Variants in ADGRG6 observed in about 807,000 individuals in gnomAD.
ADGRG6 encodes adhesion G protein-coupled receptor G6, also known as G-protein coupled receptor 126.
Under a neutral mutation model 142.4 loss-of-function variants are expected in ADGRG6, and 84 were observed. The ratio of observed to expected loss-of-function variants is 0.59; its 90% CI spans 0.49 to 0.71. The LOEUF is 0.71. Ranked by LOEUF, ADGRG6 falls within the 30% of genes least tolerant of loss-of-function variation. The pLI, the probability that ADGRG6 is intolerant of heterozygous loss-of-function variation, is 0.00. For synonymous variants in ADGRG6, 521 were observed against 520.5 expected, an observed-to-expected ratio of 1.00 and a Z score of -0.01; for missense variants, 1,367 against 1,466.6, an observed-to-expected ratio of 0.93 and a Z score of 1.11.
chr6:142,345,227 A>G (rs1779838714), intron 2 of ADGRG6, among the ~76,000 whole-genome samples: 1 of 152,012 alleles, frequency 6.6e-6, no homozygotes, highest in Non-Finnish European at 1.5e-5. Flanking sequence ...TTCGATACAA[A>G]CATGTAATTG....
chr6:142,420,530 G>T (rs1312329262), intron 22 of ADGRG6, among the ~76,000 whole-genome samples: 1 of 152,136 alleles, frequency 6.6e-6, no homozygotes, highest in Non-Finnish European at 1.5e-5. Context: ...ATGGCCAGAA[G>T]AATTTTTAGA....
At position 142,303,796 on chromosome 6, in the gene ADGRG6, A is replaced by G. The variant is rs565201872; in HGVS notation, c.2+1465A>G. ...AAGCATATTACACATGAAAGTATAA[A>G]TACCTGTTTTTAAAATAAAAGATGT... On this transcript the variant is annotated intron_variant, in intron 1 of 24. Transcript: ENST00000367609. Among the ~76,000 whole-genome samples, 20 of 152,322 alleles carry G rather than the reference A, an allele frequency of 1.3e-4. No individual in the cohort carries two copies. The South Asian group carries it at 4.1e-3, about 32-fold the overall frequency.
At chr6:142,345,278 G>A (rs964262116) in intron 2 of ADGRG6, among the ~76,000 whole-genome samples, 1 of 152,002 alleles carries the variant, frequency 6.6e-6, no homozygotes, top group Non-Finnish European at 1.5e-5. Flanking sequence ...AAATAGCCTA[G>A]GGGAAAAGTA....
At chr6:142,368,030 A>T (rs1398567735) in intron 3 of ADGRG6, 120 bp downstream of exon 3, 1 of 625,408 alleles carries the variant, frequency 1.6e-6, no homozygotes, top group Non-Finnish European at 2.8e-6. Flanking sequence ...TAGGATTGGG[A>T]TATAAGGGCA....
intron 2 of ADGRG6, among the ~76,000 whole-genome samples, chr6:142,317,278 G>A (rs910186123): frequency 2.0e-5 from 3 of 151,950 alleles, no homozygotes; most frequent in Non-Finnish European, 4.4e-5. Flanking sequence ...AGTTCTCTTT[G>A]AATTTTAAGC....
chr6:142,352,064 T>A (rs1002801200), intron 2 of ADGRG6, among the ~76,000 whole-genome samples: 1 of 152,156 alleles, frequency 6.6e-6, no homozygotes, highest in African/African-American at 2.4e-5. Flanking sequence ...GAGATTTTTT[T>A]AGCGAACTTA....
chr6:142,385,107 A>T (rs1161991203), intron 6 of ADGRG6, among the ~76,000 whole-genome samples: 1 of 152,134 alleles, frequency 6.6e-6, no homozygotes, highest in African/African-American at 2.4e-5. Flanking sequence ...TCCCTCCAGG[A>T]TTGACACATC....
chr6:142,370,688 C>T lies in ADGRG6; in HGVS notation c.964C>T (p.Leu322Phe). 1 of 1,613,720 alleles carries T rather than the reference C, an allele frequency of 6.2e-7. No individual in the cohort carries two copies. The highest frequency in any genetic ancestry group is 8.5e-7 in the Non-Finnish European group (1 of 1,179,678). Reference sequence around the variant, plus strand: ...GAATTTTACCATGAATGCCAAAATCCTCTCCAACCTCAGCTGTAATGTGAA... The same window carrying T: ...GAATTTTACCATGAATGCCAAAATCTTCTCCAACCTCAGCTGTAATGTGAA... ...LWNFTMNAKI[L>F]SNLSCNVKGN... The change falls in exon 4 of 25, where the codon CTC (leucine) becomes TTC (phenylalanine). Residue 322 changes from leucine to phenylalanine, a missense_variant. By Grantham distance (22) the Leu-to-Phe change is conservative (BLOSUM62 0). Coordinates refer to ENST00000367609, the MANE Select transcript of ADGRG6 (RefSeq NM_198569.3).
At chr6:142,405,594 T>C in intron 14 of ADGRG6, 94 bp from the exon 15 acceptor site, 3 of 996,564 alleles carry the variant, frequency 3.0e-6, no homozygotes, top group Non-Finnish European at 4.7e-6. Context: ...AATTTGAACT[T>C]GCAATTGTTC....
At chr6:142,390,368 T>C (rs1183161951) in intron 7 of ADGRG6, 25 bp downstream of exon 7, 9 of 1,398,840 alleles carry the variant, frequency 6.4e-6, no homozygotes, top group African/African-American at 1.4e-5. Flanking sequence ...AACTTTTCTT[T>C]TTTAAAAAAA....
intron 22 of ADGRG6, among the ~76,000 whole-genome samples, chr6:142,428,081 A>G (rs1162196682): frequency 3.3e-5 from 5 of 152,150 alleles, no homozygotes; most frequent in Admixed American, 1.3e-4. Flanking sequence ...TGGCTCAAGC[A>G]TGTTAAAAAC....
At chr6:142,367,492 A>G in intron 2 of ADGRG6, 77 bp from the exon 3 acceptor site, 1 of 894,772 alleles carries the variant, frequency 1.1e-6, no homozygotes, top group South Asian at 1.7e-5. Context: ...GATTGTCGCC[A>G]GTGTGTGGTA....
At position 142,414,429 on chromosome 6, in the gene ADGRG6, C is replaced by T. The variant is rs569204669; in HGVS notation, c.2542-540C>T. ...AAAATAAAGACAGTCCCACCTCATACATACCAAGCATTGAAATAACCAGGG... is the reference window on the plus strand; with the variant it reads ...AAAATAAAGACAGTCCCACCTCATATATACCAAGCATTGAAATAACCAGGG... On this transcript the variant is annotated intron_variant, in intron 18 of 24. Coordinates refer to ENST00000367609, the MANE Select transcript of ADGRG6 (RefSeq NM_198569.3). 2.6e-5 allele frequency among the ~76,000 whole-genome samples: 4 copies of T among 152,284 alleles called. No individual in the cohort carries two copies. The East Asian group carries it at 5.8e-4, about 22-fold the overall frequency.
Position 142,310,034 on chromosome 6 carries a change from A to G in ADGRG6, c.103+390A>G, listed in dbSNP as rs561447554. Among the ~76,000 whole-genome samples the G allele has an allele frequency of 3.3e-3, 497 of 152,014 alleles. 2 individuals are homozygous for G. The highest frequency in any genetic ancestry group is 0.012 in the African/African-American group (480 of 41,550). Reference sequence around the variant, plus strand: ...TCATGTAGTTATTTATGGAAAGTACAGACTTTGCTAGTTTCATTCATCCTC... The same window carrying G: ...TCATGTAGTTATTTATGGAAAGTACGGACTTTGCTAGTTTCATTCATCCTC... On this transcript the variant is annotated intron_variant, in intron 2 of 24. Coordinates refer to ENST00000367609, the MANE Select transcript of ADGRG6 (RefSeq NM_198569.3).
intron 2 of ADGRG6, among the ~76,000 whole-genome samples, chr6:142,333,452 G>A (rs1779162881): frequency 6.6e-6 from 1 of 152,178 alleles, no homozygotes; most frequent in Non-Finnish European, 1.5e-5. Flanking sequence ...TTAATGTGTG[G>A]TGTAGTGAAG....
chr6:142,322,426 G>A (rs1320223970), intron 2 of ADGRG6, among the ~76,000 whole-genome samples: 5 of 151,936 alleles, frequency 3.3e-5, no homozygotes, highest in Middle Eastern at 3.4e-3. Context: ...TATTTGGGTC[G>A]GAGGAAGAGA....
chr6:142,354,164 G>T (rs569339815), intron 2 of ADGRG6, among the ~76,000 whole-genome samples: 34 of 152,202 alleles, frequency 2.2e-4, no homozygotes, highest in African/African-American at 7.5e-4. Context: ...TTTAGATTTT[G>T]CTCTTCTCAT....
intron 2 of ADGRG6, among the ~76,000 whole-genome samples, chr6:142,312,215 G>A (rs1393725033): frequency 1.3e-5 from 2 of 152,034 alleles, no homozygotes; most frequent in Non-Finnish European, 2.9e-5. Flanking sequence ...TGTTACGATT[G>A]ACACTTAATT....
In ADGRG6 at chr6:142,383,766, T is replaced by C; in HGVS notation, c.1145T>C (p.Val382Ala). Reference protein sequence around the residue: ...ADLGTLCQATVNSPSTTPPTV... With the variant: ...ADLGTLCQATANSPSTTPPTV... ...TTCTCATCTTTATTACCAGCTACTG[T>C]AAACTCTCCTAGTACTACACCACCC... The change falls in exon 6 of 25, where the codon GTA (valine) becomes GCA (alanine). Residue 382 changes from valine to alanine, a missense_variant. This residue lies in a region of ADGRG6 where 737 missense variants were observed against 746.5 expected (regional missense o/e 0.99). Transcript: ENST00000367609. 1.3e-6 allele frequency: 2 copies of C among 1,522,982 alleles called. No individual in the cohort carries two copies. The highest frequency in any genetic ancestry group is 2.3e-5 in the East Asian group (1 of 44,284). The allele number at this position is 1,522,982 out of a possible 1,614,324, so 94.3% of individuals were successfully genotyped here. A position where few individuals can be genotyped will look rare whatever the true frequency, so the allele number is the denominator to read the frequency against.
Sources: gnomAD v4.1 joint callset for allele counts (sites outside exome capture counted in the v4.1 genomes callset) on GRCh38, gnomAD v4.1.1 for gene constraint, gnomAD v4.1.1 regional missense constraint, MANE v1.5 for transcripts, NCBI Gene and HGNC (gene_info 2026-07-23, HGNC 2026-07-21) for gene names.